The following ENTREP2 variants were observed in gnomAD, a reference collection of about 807,000 sequenced individuals.
ENTREP2 encodes the protein endosomal transmembrane epsin interactor 2.
At chr15:29,394,951 G>C in the ENTREP2 span, among the ~76,000 whole-genome samples, 1 of 133,888 alleles carries the variant, frequency 7.5e-6, no homozygotes, top group Non-Finnish European at 1.5e-5. Context: ...GCAGTGGTGT[G>C]ATCTCAGCTC....
the ENTREP2 span, among the ~76,000 whole-genome samples, chr15:29,404,925 G>A: frequency 6.6e-6 from 1 of 151,930 alleles, no homozygotes; most frequent in Admixed American, 6.6e-5. Context: ...TCCAAATCAG[G>A]GACATCTACT....
chr15:29,390,989 A>AC, the ENTREP2 span, among the ~76,000 whole-genome samples: 4 of 151,926 alleles, frequency 2.6e-5, no homozygotes, highest in South Asian at 2.1e-4. Flanking sequence ...GAGTCCACCA[A>AC]CCCCCCATCT....
chr15:29,473,571 C>T, the ENTREP2 span, among the ~76,000 whole-genome samples: 3 of 152,250 alleles, frequency 2.0e-5, no homozygotes, highest in Middle Eastern at 3.4e-3. Flanking sequence ...TACCTGGGAG[C>T]GGAAGGCCAC....
At chr15:29,126,163 G>A in the ENTREP2 span, 1 of 937,738 alleles carries the variant, frequency 1.1e-6, no homozygotes, top group Non-Finnish European at 1.6e-6. Context: ...GCCCCAGACA[G>A]GATCTGCAGG....
the ENTREP2 span, among the ~76,000 whole-genome samples, chr15:29,315,823 T>C: frequency 6.6e-6 from 1 of 152,010 alleles, no homozygotes; most frequent in Admixed American, 6.5e-5. Context: ...GAATAAGAAA[T>C]GTCTTTATAC....
the ENTREP2 span, among the ~76,000 whole-genome samples, chr15:29,221,223 AC>A: frequency 6.7e-6 from 1 of 149,560 alleles, no homozygotes; most frequent in African/African-American, 2.5e-5. Flanking sequence ...TTTTTTTGAG[AC>A]GGAGTCTAGC....
At chr15:29,572,005 TAG>T in the ENTREP2 span, among the ~76,000 whole-genome samples, 2 of 152,200 alleles carry the variant, frequency 1.3e-5, no homozygotes, top group Admixed American at 6.5e-5. Context: ...TGAGAAACGC[TAG>T]AGAGTGTAGT....
chr15:29,541,633 T>C, the ENTREP2 span, among the ~76,000 whole-genome samples: 9 of 152,164 alleles, frequency 5.9e-5, no homozygotes, highest in East Asian at 1.7e-3. Flanking sequence ...CACACCCTTG[T>C]CTTAGAAAAA....
the ENTREP2 span, among the ~76,000 whole-genome samples, chr15:29,367,615 C>T: frequency 3.9e-5 from 6 of 152,130 alleles, no homozygotes; most frequent in Non-Finnish European, 7.3e-5. Flanking sequence ...GCATGCATAG[C>T]GCTGTGCATA....
chr15:29,295,375 G>A, the ENTREP2 span, among the ~76,000 whole-genome samples: 4 of 152,154 alleles, frequency 2.6e-5, no homozygotes, highest in African/African-American at 9.7e-5. Flanking sequence ...GGAAGCCACT[G>A]CTGAATTGAC....
the ENTREP2 span, among the ~76,000 whole-genome samples, chr15:29,605,702 G>A: frequency 1.1e-5 from 1 of 89,508 alleles, no homozygotes; most frequent in East Asian, 2.4e-4. Flanking sequence ...TGGGCATGAT[G>A]GGGGGGTGCC....
the ENTREP2 span, chr15:29,269,418 C>T: frequency 1.2e-6 from 2 of 1,614,158 alleles, no homozygotes; most frequent in Admixed American, 3.3e-5. Flanking sequence ...CTTTAATCAG[C>T]AAGAACTGCA....
chr15:29,330,479 T>G, the ENTREP2 span, among the ~76,000 whole-genome samples: 1 of 152,026 alleles, frequency 6.6e-6, no homozygotes, highest in Non-Finnish European at 1.5e-5. Context: ...GGTCTTTACC[T>G]CTCTGGTCTT....
chr15:29,219,610 CATAAATATATAT>C, the ENTREP2 span, among the ~76,000 whole-genome samples: 2 of 97,994 alleles, frequency 2.0e-5, no homozygotes, highest in African/African-American at 9.9e-5. Flanking sequence ...AACTGTGGTG[CATAAATATATAT>C]ATATATATAT....
the ENTREP2 span, among the ~76,000 whole-genome samples, chr15:29,410,838 T>G: frequency 6.6e-6 from 1 of 152,224 alleles, no homozygotes; most frequent in African/African-American, 2.4e-5. Flanking sequence ...CAGGCTGGAG[T>G]GCAGTGGCAC....
At chr15:29,379,255 C>T in the ENTREP2 span, among the ~76,000 whole-genome samples, 4 of 152,194 alleles carry the variant, frequency 2.6e-5, no homozygotes, top group East Asian at 7.7e-4. Context: ...TTCTCTATTC[C>T]CTTTCACTGA....
the ENTREP2 span, among the ~76,000 whole-genome samples, chr15:29,600,402 A>T: frequency 6.6e-6 from 1 of 151,940 alleles, no homozygotes. Context: ...GGTCTATCCA[A>T]ATTGGAAACT....
At chr15:29,361,040 C>T in the ENTREP2 span, among the ~76,000 whole-genome samples, 1 of 152,218 alleles carries the variant, frequency 6.6e-6, no homozygotes, top group African/African-American at 2.4e-5. Flanking sequence ...GACCCCTGCA[C>T]CTGGTGCTTT....
At chr15:29,420,855 A>G in the ENTREP2 span, among the ~76,000 whole-genome samples, 11 of 152,354 alleles carry the variant, frequency 7.2e-5, no homozygotes, top group East Asian at 1.9e-3. Context: ...CCAGACCACA[A>G]TGCAGCAACA....
Sources: allele counts gnomAD v4.1 joint callset (sites outside exome capture counted in the v4.1 genomes callset), GRCh38; gene constraint gnomAD v4.1.1; transcripts MANE v1.5; gene names NCBI Gene and HGNC (gene_info 2026-07-23, HGNC 2026-07-21).